GBF1: variants seen among roughly 807,000 people sequenced by gnomAD.
The protein encoded by GBF1 is golgi brefeldin A resistant guanine nucleotide exchange factor 1.
A neutral mutation model predicts 210.5 loss-of-function variants in GBF1; 114 were observed. The observed-to-expected ratio is 0.54, with a 90% CI of 0.47 to 0.63. The LOEUF (loss-of-function observed/expected upper bound fraction) is 0.63. Ranked by LOEUF, GBF1 falls within the 30% of genes least tolerant of loss-of-function variation. The probability of loss-of-function intolerance (pLI) is 0.00; values close to 1 mark genes in which losing one functional copy is unlikely to be tolerated. For synonymous variants in GBF1, 850 were observed against 889.2 expected, an observed-to-expected ratio of 0.96 and a Z score of 0.78; for missense variants, 1,851 against 2,357.7, an observed-to-expected ratio of 0.79 and a Z score of 4.45.
intron 3 of GBF1, among the ~76,000 whole-genome samples, chr10:102,331,503 G>A (rs902197602): frequency 1.3e-5 from 2 of 151,926 alleles, no homozygotes; most frequent in Non-Finnish European, 2.9e-5. Context: ...ACAGATTGGG[G>A]CTGGGCACGG....
intron 3 of GBF1, among the ~76,000 whole-genome samples, chr10:102,308,102 A>G (rs1018422373): frequency 2.0e-5 from 3 of 152,048 alleles, no homozygotes; most frequent in African/African-American, 7.2e-5. Context: ...CTGATTTGCC[A>G]GCAATTACAT....
chr10:102,382,552 G>A lies in GBF1; in HGVS notation c.*216G>A. 2.0e-6 allele frequency: 1 copy of A among 510,206 alleles called. No homozygotes were observed. Among genetic ancestry groups the A allele is most frequent in the South Asian group, 3.2e-5 (1 of 31,440 alleles). 31.6% of individuals were successfully genotyped at this position (510,206 alleles called of 1,614,324 possible). ...CCTCCTCTGCGCTCCATTCCTGGGG[G>A]TTCAGCCTGAGAGTGAACTCAGCTG... On this transcript the variant is annotated 3_prime_UTR_variant, in exon 40 of 40. Transcript: ENST00000369983.
intron 3 of GBF1, among the ~76,000 whole-genome samples, chr10:102,296,697 T>TC: frequency 6.8e-6 from 1 of 146,860 alleles, no homozygotes; most frequent in East Asian, 2.0e-4. Flanking sequence ...GCTGAGATCG[T>TC]GCCACTGCAC....
At chr10:102,360,062 A>ATCAC in intron 11 of GBF1, 122 bp from the exon 12 acceptor site, 1 of 739,378 alleles carries the variant, frequency 1.4e-6, no homozygotes, top group South Asian at 1.5e-5. Flanking sequence ...CATCACGCCC[A>ATCAC]GCCCTTTTCT....
intron 28 of GBF1, 47 bp from the exon 29 acceptor site, chr10:102,370,660 G>A (rs1458094921): frequency 6.3e-6 from 10 of 1,593,900 alleles, no homozygotes; most frequent in East Asian, 2.2e-5. Flanking sequence ...CTGTTGCCCA[G>A]TGGCCCCTCT....
chr10:102,373,030 A>T (rs2060295970), intron 29 of GBF1, among the ~76,000 whole-genome samples: 1 of 152,242 alleles, frequency 6.6e-6, no homozygotes, highest in South Asian at 2.1e-4. Flanking sequence ...TAATATTTTT[A>T]AAAGTTTTGT....
chr10:102,307,098 A>C (rs551062622), intron 3 of GBF1, among the ~76,000 whole-genome samples: 8 of 152,346 alleles, frequency 5.3e-5, no homozygotes, highest in African/African-American at 1.7e-4. Flanking sequence ...ACTATCCAGA[A>C]TTTCCATTTA....
chr10:102,319,586 C>T (rs1275239999), intron 3 of GBF1, among the ~76,000 whole-genome samples: 1 of 152,066 alleles, frequency 6.6e-6, no homozygotes, highest in Non-Finnish European at 1.5e-5. Flanking sequence ...AGCCTCCCAT[C>T]CTCTTCTTCT....
intron 22 of GBF1, 99 bp downstream of exon 22, chr10:102,368,553 A>T (rs976345586): frequency 9.2e-6 from 8 of 872,180 alleles, no homozygotes; most frequent in Admixed American, 3.8e-5. Flanking sequence ...CTTCATTAGA[A>T]TGGGGTTCCC....
chr10:102,377,195 TG>T (rs2060554094), intron 33 of GBF1, 55 bp downstream of exon 33: 11 of 1,472,210 alleles, frequency 7.5e-6, no homozygotes, highest in Non-Finnish European at 9.4e-6. Flanking sequence ...ACTGGGAGCC[TG>T]GGGCGGCCAG....
At chr10:102,345,068 G>A (rs1160981587) in intron 4 of GBF1, among the ~76,000 whole-genome samples, 2 of 152,022 alleles carry the variant, frequency 1.3e-5, no homozygotes, top group Non-Finnish European at 2.9e-5. Flanking sequence ...TGGATCACGA[G>A]GTCAGGAGTT....
At chr10:102,313,950 G>A (rs1445247120) in intron 3 of GBF1, among the ~76,000 whole-genome samples, 1 of 152,000 alleles carries the variant, frequency 6.6e-6, no homozygotes, top group African/African-American at 2.4e-5. Context: ...AATTTAGATG[G>A]CAGAAACTAT....
intron 35 of GBF1, 84 bp from the exon 36 acceptor site, chr10:102,379,769 A>G: frequency 6.8e-7 from 1 of 1,466,128 alleles, no homozygotes; most frequent in Non-Finnish European, 9.6e-7. Flanking sequence ...CTTCAGCTCT[A>G]TGCCCATCCA....
At chr10:102,231,239 G>T in the GBF1 span, 1 of 885,862 alleles carries the variant, frequency 1.1e-6, no homozygotes, top group Non-Finnish European at 1.7e-6. Flanking sequence ...GGGTGGGAGG[G>T]AAGGAGCGCA....
intron 1 of GBF1, among the ~76,000 whole-genome samples, chr10:102,255,001 G>T (rs2072138007): frequency 6.6e-6 from 1 of 152,062 alleles, no homozygotes; most frequent in Admixed American, 6.6e-5. Context: ...AGATTAGGCA[G>T]CTCTGCATAG....
chr10:102,298,720 G>A (rs1378637322), intron 3 of GBF1, among the ~76,000 whole-genome samples: 1 of 152,012 alleles, frequency 6.6e-6, no homozygotes, highest in African/African-American at 2.4e-5. Context: ...GGAAACAGAG[G>A]TTCCAAAAAG....
At chr10:102,288,762 C>T (rs1422601012) in intron 3 of GBF1, among the ~76,000 whole-genome samples, 1 of 144,418 alleles carries the variant, frequency 6.9e-6, no homozygotes, top group African/African-American at 2.5e-5. Flanking sequence ...AATTACTTGT[C>T]ACTAGATAGA....
At chr10:102,235,682 G>A in the GBF1 span, among the ~76,000 whole-genome samples, 1 of 152,184 alleles carries the variant, frequency 6.6e-6, no homozygotes. Context: ...GCTGGGCATT[G>A]AGTTAGGCAC....
At chr10:102,332,952 AACAAACAGGACT>A (rs1395992628) in intron 3 of GBF1, among the ~76,000 whole-genome samples, 1 of 152,112 alleles carries the variant, frequency 6.6e-6, no homozygotes, top group Non-Finnish European at 1.5e-5. Flanking sequence ...AGCTTAGACA[AACAAACAGGACT>A]TGCCTTCCCT....
Sources: gnomAD v4.1 joint callset for allele counts (sites outside exome capture counted in the v4.1 genomes callset) on GRCh38, gnomAD v4.1.1 for gene constraint, MANE v1.5 for transcripts, NCBI Gene and HGNC (gene_info 2026-07-23, HGNC 2026-07-21) for gene names.